The following MYO18B variants were observed in gnomAD, a reference collection of about 807,000 sequenced individuals.
MYO18B encodes unconventional myosin-XVIIIb.
Under a neutral mutation model 273.0 loss-of-function variants are expected in MYO18B, and 204 were observed. The observed-to-expected ratio is 0.75, with a 90% CI of 0.67 to 0.84. The LOEUF (loss-of-function observed/expected upper bound fraction) is 0.84, where lower values mean the gene tolerates loss of function less well. Ranked by LOEUF, MYO18B falls within the 40% of genes least tolerant of loss-of-function variation. The pLI, the probability that MYO18B is intolerant of heterozygous loss-of-function variation, is 0.00. For missense variants in MYO18B, 3,212 were observed against 3,287.6 expected (o/e 0.98, Z 0.56); for synonymous variants, 1,330 against 1,305.7 (o/e 1.02, Z -0.40).
intron 39 of MYO18B, 133 bp downstream of exon 39, chr22:25,955,497 G>C (rs757146371): frequency 1.1e-5 from 10 of 951,404 alleles, no homozygotes; most frequent in Non-Finnish European, 1.5e-5. Context: ...GGAAAGCCAG[G>C]AGAAACAAGA....
At chr22:25,991,584 A>G (rs896806520) in intron 39 of MYO18B, among the ~76,000 whole-genome samples, 2 of 152,218 alleles carry the variant, frequency 1.3e-5, no homozygotes, top group African/African-American at 4.8e-5. Flanking sequence ...TCCAATTAGA[A>G]AAGTACCAGA....
In MYO18B at chr22:25,767,420, G is replaced by A. The variant is rs112831531; in HGVS notation, c.199-695G>A. 2.0e-3 allele frequency among the ~76,000 whole-genome samples: 297 copies of A among 152,258 alleles called. 1 individual carries two copies. The highest frequency in any genetic ancestry group is 6.6e-3 in the African/African-American group (275 of 41,534). Reference sequence around the variant, plus strand: ...AGGGCAGTGGAAGTAGCAGCAGCTCGGTTTATTCTTCTCTCTCTGATCTCC... The same window carrying A: ...AGGGCAGTGGAAGTAGCAGCAGCTCAGTTTATTCTTCTCTCTCTGATCTCC... On this transcript the variant is annotated intron_variant, in intron 3 of 43. Transcript: ENST00000335473.
In MYO18B at chr22:25,768,881, T is replaced by G; in HGVS notation, c.965T>G (p.Leu322Arg). The G allele has an allele frequency of 6.2e-7, 1 of 1,613,100 alleles. No individual in the cohort carries two copies. The highest frequency in any genetic ancestry group is 8.5e-7 in the Non-Finnish European group (1 of 1,179,544). Residue 322 changes from leucine (L) to arginine (R), a missense_variant, in exon 4 of 44, where the codon CTG (leucine) becomes CGG (arginine). Physicochemically the swap from Leu to Arg is moderately radical, Grantham distance 102. Transcript: ENST00000335473. ...QIPGRKWGGF[L>R]GRRSKWDGPQ... ...CCTGGGAGAAAGTGGGGAGGTTTCCTGGGAAGAAGGAGTAAGTGGGACGGT... is the reference window on the plus strand; with the variant it reads ...CCTGGGAGAAAGTGGGGAGGTTTCCGGGGAAGAAGGAGTAAGTGGGACGGT...
intron 11 of MYO18B, among the ~76,000 whole-genome samples, chr22:25,789,117 C>T (rs1414806920): frequency 2.8e-5 from 4 of 143,692 alleles, no homozygotes; most frequent in African/African-American, 1.0e-4. Context: ...CCTCCTCCTC[C>T]TCCTCCTCTT....
chr22:25,993,269 C>T (rs1185460301), intron 40 of MYO18B, among the ~76,000 whole-genome samples: 1 of 152,136 alleles, frequency 6.6e-6, no homozygotes, highest in East Asian at 1.9e-4. Context: ...TACCTTTGTA[C>T]CCTTGGCTTA....
chr22:25,962,952 TTTCC>T (rs1248710078), intron 39 of MYO18B, among the ~76,000 whole-genome samples: 2 of 152,012 alleles, frequency 1.3e-5, no homozygotes, highest in African/African-American at 2.4e-5. Flanking sequence ...TCTTCACCCC[TTTCC>T]TTTCTTCTCT....
chr22:25,996,941 A>G (rs1933316289), intron 40 of MYO18B, among the ~76,000 whole-genome samples: 1 of 152,052 alleles, frequency 6.6e-6, no homozygotes, highest in Non-Finnish European at 1.5e-5. Context: ...TGACCCATAG[A>G]AACCCACTGA....
intron 39 of MYO18B, among the ~76,000 whole-genome samples, chr22:25,974,149 C>T (rs2093064431): frequency 6.6e-6 from 1 of 152,314 alleles, no homozygotes; most frequent in Middle Eastern, 3.4e-3. Flanking sequence ...TTTTCTTCCT[C>T]TAATACAACA....
intron 31 of MYO18B, among the ~76,000 whole-genome samples, chr22:25,907,636 T>A (rs1343957065): frequency 6.6e-6 from 1 of 152,220 alleles, no homozygotes; most frequent in Non-Finnish European, 1.5e-5. Context: ...CAGGCTTTCA[T>A]GTCTTCATAC....
chr22:25,988,913 C>T (rs1445367217), intron 39 of MYO18B, among the ~76,000 whole-genome samples: 1 of 152,090 alleles, frequency 6.6e-6, no homozygotes, highest in African/African-American at 2.4e-5. Flanking sequence ...GATTTGAACC[C>T]CGGCAGCTCG....
At chr22:25,873,891 G>A (rs1601423930) in intron 22 of MYO18B, among the ~76,000 whole-genome samples, 2 of 152,314 alleles carry the variant, frequency 1.3e-5, no homozygotes, top group East Asian at 3.9e-4. Context: ...GGTGGTGACC[G>A]TGCACAGAAC....
At chr22:25,869,470 A>AC (rs1569131983) in intron 22 of MYO18B, among the ~76,000 whole-genome samples, 1 of 136,688 alleles carries the variant, frequency 7.3e-6, no homozygotes, top group Admixed American at 6.9e-5. Context: ...AAAAAAAAAA[A>AC]AAAGAAGGAA....
intron 34 of MYO18B, among the ~76,000 whole-genome samples, chr22:25,925,155 G>A (rs564608292): frequency 1.3e-5 from 2 of 151,968 alleles, no homozygotes; most frequent in South Asian, 2.1e-4. Context: ...AGTGTCTTGG[G>A]GTTTCTCAAA....
rs186574058 is a variant in MYO18B at position 25,833,403 on chromosome 22, T to A, written c.3060+406T>A. On this transcript the variant is annotated intron_variant, in intron 16 of 43. Transcript: ENST00000335473. ...AGCAGAGACTGGGGACCTTGGGCACTGGAGAACAGGGGACCATGTTGGGTT... is the reference window on the plus strand; with the variant it reads ...AGCAGAGACTGGGGACCTTGGGCACAGGAGAACAGGGGACCATGTTGGGTT... Among the ~76,000 whole-genome samples, 189 of 152,024 alleles carry A rather than the reference T, an allele frequency of 1.2e-3. 1 individual carries two copies. Among genetic ancestry groups the A allele is most frequent in the Admixed American group, 1.8e-3 (27 of 15,286 alleles).
At chr22:25,980,146 C>T (rs767335740) in intron 39 of MYO18B, among the ~76,000 whole-genome samples, 8 of 152,142 alleles carry the variant, frequency 5.3e-5, no homozygotes, top group Non-Finnish European at 1.2e-4. Flanking sequence ...ACTTCATGCT[C>T]CAAGACTCCG....
rs1039808708 is a variant in MYO18B, at chr22:25,867,810, T to A, written c.3886-510T>A. Among the ~76,000 whole-genome samples the A allele has an allele frequency of 3.9e-5, 6 of 152,100 alleles. No homozygotes were observed. In the East Asian group the frequency reaches 1.2e-3, roughly 29 times the overall value. The stretch of plus-strand genomic sequence containing the variant: ...ATGCCCGACTATAATTTTTTGTATT[T>A]TCAGTAGAGACGGGGCTTCACCATG... On this transcript the variant is annotated intron_variant, in intron 21 of 43. Transcript: ENST00000335473.
chr22:25,990,794 T>C (rs1022053631), intron 39 of MYO18B, among the ~76,000 whole-genome samples: 17 of 150,224 alleles, frequency 1.1e-4, no homozygotes, highest in African/African-American at 4.2e-4. Context: ...GCTACTCAGT[T>C]CCATGGGGAG....
intron 19 of MYO18B, 54 bp downstream of exon 19, chr22:25,846,337 TCTC>T (rs2146015705): frequency 1.3e-5 from 21 of 1,579,342 alleles, no homozygotes; most frequent in Non-Finnish European, 1.8e-5. Flanking sequence ...TCCATCCTCA[TCTC>T]CTCTGGGCTG....
intron 17 of MYO18B, among the ~76,000 whole-genome samples, chr22:25,841,809 G>A (rs932510410): frequency 3.3e-5 from 5 of 152,222 alleles, no homozygotes; most frequent in Non-Finnish European, 5.9e-5. Flanking sequence ...CTCTCCAGTT[G>A]CTTCTAGGAC....
Sources: allele counts gnomAD v4.1 joint callset (sites outside exome capture counted in the v4.1 genomes callset), GRCh38; gene constraint gnomAD v4.1.1; transcripts MANE v1.5; gene names NCBI Gene and HGNC (gene_info 2026-07-23, HGNC 2026-07-21).